Variants in RFLNA observed in about 807,000 individuals in gnomAD.
The protein encoded by RFLNA is refilin-A.
A neutral mutation model predicts 7.8 loss-of-function variants in RFLNA; 5 were observed. The observed-to-expected ratio is 0.64, with a 90% CI of 0.34 to 1.35. The LOEUF (loss-of-function observed/expected upper bound fraction) is 1.35, where lower values mean the gene tolerates loss of function less well. Among genes scored for constraint, RFLNA ranks in the 40% most tolerant of loss-of-function variants. The probability of loss-of-function intolerance (pLI) is 0.04; values close to 1 mark genes in which losing one functional copy is unlikely to be tolerated. For missense variants in RFLNA, 278 were observed against 305.5 expected (o/e 0.91, Z 0.67); for synonymous variants, 141 against 131.3 (o/e 1.07, Z -0.50).
intron 1 of RFLNA, among the ~76,000 whole-genome samples, chr12:124,309,955 G>A (rs894246193): frequency 6.6e-6 from 1 of 152,066 alleles, no homozygotes; most frequent in Non-Finnish European, 1.5e-5. Flanking sequence ...GATCACTTGA[G>A]CCCAGGAATT....
chr12:124,297,380 G>A (rs1300809295), intron 1 of RFLNA, among the ~76,000 whole-genome samples: 1 of 152,050 alleles, frequency 6.6e-6, no homozygotes, highest in South Asian at 2.1e-4. Context: ...AGCAAAGCCC[G>A]GGGCTGTTTC....
intron 1 of RFLNA, among the ~76,000 whole-genome samples, chr12:124,309,509 G>A (rs967139025): frequency 1.3e-5 from 2 of 152,208 alleles, no homozygotes; most frequent in East Asian, 1.9e-4. Flanking sequence ...GCATCTCTTC[G>A]CATCTGCACT....
In RFLNA at chr12:124,306,105, G is replaced by A. The variant is rs1373686588; in HGVS notation, c.208-5713G>A. 6.6e-6 allele frequency among the ~76,000 whole-genome samples: 1 copy of A among 152,118 alleles called. No individual in the cohort carries two copies. Among genetic ancestry groups the A allele is most frequent in the Non-Finnish European group, 1.5e-5 (1 of 68,024 alleles). ...TATGGGCCCATACTCGGGGCTCTCT[G>A]GGTTGGGGCAGGGGCTGCTTTGCAG... On this transcript the variant is annotated intron_variant, in intron 1 of 2. Transcript: ENST00000546355. The surrounding 1 kb of genome is among the most constrained non-coding windows in gnomAD (Gnocchi z 5.2).
At chr12:124,305,351 G>A (rs997467308) in intron 1 of RFLNA, among the ~76,000 whole-genome samples, 2 of 152,322 alleles carry the variant, frequency 1.3e-5, no homozygotes, top group Admixed American at 6.5e-5. Context: ...TCCTCCTAAC[G>A]GCCCACTTCA....
chr12:124,311,087 C>T (rs746423982), intron 1 of RFLNA, among the ~76,000 whole-genome samples: 3 of 152,198 alleles, frequency 2.0e-5, no homozygotes. Context: ...AACCCCCCTA[C>T]ATTCTTAGCC....
At chr12:124,290,726 T>A (rs2033811284), upstream of RFLNA, among the ~76,000 whole-genome samples, 1 of 152,176 alleles carries the variant, frequency 6.6e-6, no homozygotes, top group Admixed American at 6.5e-5. The surrounding 1 kb of genome is among the most constrained non-coding windows in gnomAD (Gnocchi z 4.0). Flanking sequence ...CCTGCGAAAA[T>A]TTCCCTGGCA....
chr12:124,300,104 G>A (rs1227496857), intron 1 of RFLNA, among the ~76,000 whole-genome samples: 1 of 152,238 alleles, frequency 6.6e-6, no homozygotes, highest in Non-Finnish European at 1.5e-5. Context: ...CAGCCCCCCT[G>A]TGGCAAGCAA....
Position 124,314,813 on chromosome 12 carries a change from C to A in RFLNA, c.*288C>A. 1.6e-6 allele frequency: 1 copy of A among 623,992 alleles called. No homozygotes were observed. The highest frequency in any genetic ancestry group is 3.0e-6 in the Non-Finnish European group (1 of 335,014). 38.7% of individuals were successfully genotyped at this position (623,992 alleles called of 1,614,324 possible). ...TGCACTGTTAGGTGGTGGCCACCCC[C>A]AGGGTCAGGGGAAAAGAATGGGTCC... On this transcript the variant is annotated 3_prime_UTR_variant, in exon 3 of 3. Transcript: ENST00000546355.
At position 124,295,255 on chromosome 12, in the gene RFLNA, G is replaced by A; in HGVS notation, c.-175G>A. The stretch of plus-strand genomic sequence containing the variant: ...CGCGGCCCACGGCGGCGAGCAGGCT[G>A]CAGGCCCGCGGGGATCCGGGGCGCG... On this transcript the variant is annotated 5_prime_UTR_variant, in exon 1 of 3. Coordinates refer to ENST00000546355, the MANE Select transcript of RFLNA (RefSeq NM_001365156.1). The A allele has an allele frequency of 6.1e-6, 1 of 163,388 alleles. No homozygotes were observed. Among genetic ancestry groups the A allele is most frequent in the African/African-American group, 2.4e-5 (1 of 41,296 alleles). 10.1% of individuals were successfully genotyped at this position (163,388 alleles called of 1,614,324 possible). A position where few individuals can be genotyped will look rare whatever the true frequency, so the allele number is the denominator to read the frequency against.
intron 1 of RFLNA, among the ~76,000 whole-genome samples, chr12:124,303,474 C>G (rs1005884321): frequency 7.9e-5 from 12 of 152,242 alleles, no homozygotes; most frequent in African/African-American, 2.9e-4. Context: ...CCAGCCTCCC[C>G]AGGCCACAGC....
chr12:124,311,817 GC>G lies in RFLNA; in HGVS notation c.213del (p.Ser72ProfsTer11). ...CCCCGTGTCCCTGGCTCTCCCCACA[GC>G]CCCCCTCCCAACTCCCAAATCCCCC... ...EPPGPSEARA[P>X]PSQLPNPPAS... On this transcript the variant is annotated frameshift_variant and splice_region_variant, in exon 2 of 3. Transcript: ENST00000546355. LOFTEE classifies it high-confidence loss of function. 1 of 1,583,042 alleles carries G rather than the reference GC, an allele frequency of 6.3e-7. No homozygotes were observed. The highest frequency in any genetic ancestry group is 1.2e-5 in the South Asian group (1 of 86,294).
intron 1 of RFLNA, among the ~76,000 whole-genome samples, chr12:124,305,597 T>C (rs1416825753): frequency 6.6e-6 from 1 of 152,192 alleles, no homozygotes; most frequent in African/African-American, 2.4e-5. Context: ...TTCTGGCTCC[T>C]AGAGGGGCCC....
At chr12:124,308,763 G>A (rs1286917445) in intron 1 of RFLNA, among the ~76,000 whole-genome samples, 1 of 152,248 alleles carries the variant, frequency 6.6e-6, no homozygotes, top group East Asian at 1.9e-4. Context: ...TGATGGGGAC[G>A]TCTTGAGGCC....
chr12:124,302,898 T>A (rs1375920899), intron 1 of RFLNA, among the ~76,000 whole-genome samples: 2 of 109,220 alleles, frequency 1.8e-5, no homozygotes, highest in African/African-American at 5.8e-5. Flanking sequence ...GTTGCAAGGC[T>A]CCATGTGGCT....
chr12:124,313,966 G>A (rs2135696419), intron 2 of RFLNA, among the ~76,000 whole-genome samples: 1 of 152,306 alleles, frequency 6.6e-6, no homozygotes, highest in South Asian at 2.1e-4. Context: ...TCAGGATCCA[G>A]TCAGGGTCCT....
intron 1 of RFLNA, among the ~76,000 whole-genome samples, chr12:124,309,474 G>A (rs763756971): frequency 1.3e-5 from 2 of 152,220 alleles, no homozygotes; most frequent in Non-Finnish European, 2.9e-5. Flanking sequence ...TGAGCTGAAC[G>A]AAAGGCGTTC....
intron 1 of RFLNA, among the ~76,000 whole-genome samples, chr12:124,299,340 T>A (rs1005895641): frequency 6.6e-6 from 1 of 152,242 alleles, no homozygotes; most frequent in Non-Finnish European, 1.5e-5. Flanking sequence ...GCCCACAGTT[T>A]TTTTAAATTT....
chr12:124,298,234 AC>A (rs2033965868), intron 1 of RFLNA, among the ~76,000 whole-genome samples: 1 of 152,118 alleles, frequency 6.6e-6, no homozygotes, highest in South Asian at 2.1e-4. Context: ...CTTGTCACCT[AC>A]TTTAGGAGGC....
intron 2 of RFLNA, among the ~76,000 whole-genome samples, chr12:124,313,628 G>A (rs937385586): frequency 2.0e-5 from 3 of 151,402 alleles, no homozygotes; most frequent in Non-Finnish European, 2.9e-5. Flanking sequence ...GCAGAGAGCC[G>A]AGATCGCGCC....
Sources: gnomAD v4.1 joint callset for allele counts (sites outside exome capture counted in the v4.1 genomes callset) on GRCh38, gnomAD v4.1.1 for gene constraint, Gnocchi (gnomAD v3.1) non-coding constraint, MANE v1.5 for transcripts, NCBI Gene and HGNC (gene_info 2026-07-23, HGNC 2026-07-21) for gene names.